NFYC: variants seen among roughly 807,000 people sequenced by gnomAD.
NFYC encodes the protein nuclear transcription factor Y subunit gamma.
A neutral mutation model predicts 53.1 loss-of-function variants in NFYC; 25 were observed. The ratio of observed to expected loss-of-function variants is 0.47; its 90% confidence interval spans 0.34 to 0.66. The LOEUF (loss-of-function observed/expected upper bound fraction) is 0.66. Among genes scored for constraint, NFYC ranks in the 30% least tolerant of loss-of-function variants. The pLI is 0.01. For synonymous variants in NFYC, 145 were observed against 152.6 expected (o/e 0.95, Z 0.37); for missense variants, 260 against 422.7 (o/e 0.62, Z 3.38).
intron 6 of NFYC, 198 bp downstream of exon 6, chr1:40,758,492 A>C: frequency 1.7e-6 from 1 of 595,648 alleles, no homozygotes; most frequent in Non-Finnish European, 2.8e-6. Context: ...TGTTTTTCTC[A>C]AAGGTCAAAT....
intron 1 of NFYC, among the ~76,000 whole-genome samples, chr1:40,725,504 C>G (rs1644478494): frequency 6.6e-6 from 1 of 152,170 alleles, no homozygotes; most frequent in Non-Finnish European, 1.5e-5. Flanking sequence ...GAGTATAAGC[C>G]TTCTTAAGAA....
intron 1 of NFYC, among the ~76,000 whole-genome samples, chr1:40,699,868 G>A (rs550729376): frequency 2.6e-5 from 4 of 152,298 alleles, no homozygotes; most frequent in South Asian, 4.1e-4. Flanking sequence ...TGGCCAAAGT[G>A]AAATGCCTTT....
At chr1:40,701,044 C>T (rs1434056904) in intron 1 of NFYC, among the ~76,000 whole-genome samples, 1 of 152,174 alleles carries the variant, frequency 6.6e-6, no homozygotes. Flanking sequence ...GCATTAGTTC[C>T]TTATCATTGT....
chr1:40,747,652 G>A, intron 3 of NFYC, 47 bp downstream of exon 3: 1 of 1,272,236 alleles, frequency 7.9e-7, no homozygotes. Context: ...GCTAAGTGAT[G>A]GGTAGGTTAT....
chr1:40,706,304 G>A (rs894608211), intron 1 of NFYC, among the ~76,000 whole-genome samples: 1 of 151,878 alleles, frequency 6.6e-6, no homozygotes, highest in Non-Finnish European at 1.5e-5. Context: ...AGAATTAGAG[G>A]GGTAAAGTCT....
chr1:40,700,385 A>G (rs1557732881), intron 1 of NFYC, among the ~76,000 whole-genome samples: 1 of 152,084 alleles, frequency 6.6e-6, no homozygotes, highest in Non-Finnish European at 1.5e-5. Context: ...TTTCTTGCCC[A>G]CGCTGGAGTG....
chr1:40,763,226 G>A (rs4660454), intron 7 of NFYC, 180 bp downstream of exon 7: 189,935 of 226,056 alleles, frequency 0.84, 81,087 homozygotes, highest in East Asian at 0.96. Context: ...ATATATGTAT[G>A]TCTCTATATA....
chr1:40,749,778 T>G, intron 4 of NFYC, 92 bp downstream of exon 4: 1 of 1,027,176 alleles, frequency 9.7e-7, no homozygotes, highest in Non-Finnish European at 1.5e-6. Context: ...TGTTCTCCTT[T>G]AGGACCAAAG....
chr1:40,742,845 G>C (rs913729364), intron 2 of NFYC, among the ~76,000 whole-genome samples: 1 of 152,102 alleles, frequency 6.6e-6, no homozygotes, highest in African/African-American at 2.4e-5. Context: ...AGTGCAACAC[G>C]TGATGGCATC....
intron 1 of NFYC, among the ~76,000 whole-genome samples, chr1:40,702,917 A>G (rs1043344725): frequency 6.6e-6 from 1 of 151,974 alleles, no homozygotes; most frequent in Non-Finnish European, 1.5e-5. Context: ...CCCAGGTTCA[A>G]GCGATTCTGC....
intron 1 of NFYC, among the ~76,000 whole-genome samples, chr1:40,707,277 T>C (rs1179790548): frequency 6.6e-6 from 1 of 151,726 alleles, no homozygotes; most frequent in Non-Finnish European, 1.5e-5. Context: ...GTGGATCACT[T>C]GAGGTCAGGA....
At chr1:40,753,056 G>T in intron 4 of NFYC, 95 bp from the exon 5 acceptor site, 2 of 815,514 alleles carry the variant, frequency 2.5e-6, no homozygotes, top group East Asian at 2.6e-5. Context: ...GTTTAGTTTG[G>T]CTTAAAAGTC....
At chr1:40,707,663 AAAAC>A (rs1156540210) in intron 1 of NFYC, among the ~76,000 whole-genome samples, 2 of 151,596 alleles carry the variant, frequency 1.3e-5, no homozygotes, top group Non-Finnish European at 2.9e-5. Flanking sequence ...AGAAAAAAAA[AAAAC>A]AAGAAAAGAA....
chr1:40,691,728 C>T lies in NFYC; in HGVS notation c.-148C>T, dbSNP rs1642803805. 2 of 455,296 alleles carry T rather than the reference C, an allele frequency of 4.4e-6. No homozygotes were observed. Among genetic ancestry groups the T allele is most frequent in the African/African-American group, 2.0e-5 (1 of 49,902 alleles). The allele number at this position is 455,296 out of a possible 1,614,324, so 28.2% of individuals were successfully genotyped here. A position where few individuals can be genotyped will look rare whatever the true frequency, so the allele number is the denominator to read the frequency against. ...TGCAAACGGCGTGGCCGCCATCTTGCTTGTGCCCCCGCTTCGCGCGCGCTC... is the reference window on the plus strand; with the variant it reads ...TGCAAACGGCGTGGCCGCCATCTTGTTTGTGCCCCCGCTTCGCGCGCGCTC... On this transcript the variant is annotated 5_prime_UTR_variant, in exon 1 of 10. Transcript: ENST00000447388.
At chr1:40,716,431 A>C (rs1304788683) in intron 1 of NFYC, among the ~76,000 whole-genome samples, 2 of 152,196 alleles carry the variant, frequency 1.3e-5, no homozygotes, top group African/African-American at 4.8e-5. Flanking sequence ...TTAGAGCATA[A>C]GGAGATGAGT....
intron 1 of NFYC, among the ~76,000 whole-genome samples, chr1:40,729,263 A>T (rs75426633): frequency 1.3e-5 from 2 of 152,174 alleles, no homozygotes; most frequent in Non-Finnish European, 1.5e-5. Context: ...CTGTTGTTTA[A>T]TGTAGCCAGT....
chr1:40,747,021 A>T (rs754710359), intron 2 of NFYC, among the ~76,000 whole-genome samples: 2 of 152,220 alleles, frequency 1.3e-5, no homozygotes, highest in Non-Finnish European at 2.9e-5. Flanking sequence ...AGGTTAGTGC[A>T]AATGTCAGAA....
chr1:40,761,336 C>T (rs1312749749), intron 6 of NFYC, among the ~76,000 whole-genome samples: 1 of 152,186 alleles, frequency 6.6e-6, no homozygotes, highest in Non-Finnish European at 1.5e-5. Flanking sequence ...CCTGCTGCTT[C>T]AGGGTGGCCT....
chr1:40,736,301 G>A (rs933005159), intron 1 of NFYC, among the ~76,000 whole-genome samples: 1 of 151,962 alleles, frequency 6.6e-6, no homozygotes, highest in African/African-American at 2.4e-5. Flanking sequence ...GAAAAAAAAA[G>A]AAAAAAATCA....
Sources: gnomAD v4.1 joint callset for allele counts (sites outside exome capture counted in the v4.1 genomes callset) on GRCh38, gnomAD v4.1.1 for gene constraint, MANE v1.5 for transcripts, NCBI Gene and HGNC (gene_info 2026-07-23, HGNC 2026-07-21) for gene names.